RALGAPA2: variants seen among roughly 807,000 people sequenced by gnomAD.
RALGAPA2 encodes the protein Ral GTPase activating protein catalytic subunit alpha 2.
Under a neutral mutation model 230.4 loss-of-function variants are expected in RALGAPA2, and 139 were observed. The ratio of observed to expected loss-of-function variants is 0.60; its 90% CI spans 0.53 to 0.69. The LOEUF (loss-of-function observed/expected upper bound fraction) is 0.69, where lower values mean the gene tolerates loss of function less well. Ranked by LOEUF, RALGAPA2 falls within the 30% of genes least tolerant of loss-of-function variation. The pLI is 0.00. For missense variants in RALGAPA2, 2,163 were observed against 2,276.0 expected, an observed-to-expected ratio of 0.95 and a Z score of 1.01; for synonymous variants, 847 against 837.8, an observed-to-expected ratio of 1.01 and a Z score of -0.19.
At chr20:20,596,954 C>T (rs1157181709) in intron 16 of RALGAPA2, among the ~76,000 whole-genome samples, 3 of 152,128 alleles carry the variant, frequency 2.0e-5, no homozygotes, top group African/African-American at 4.8e-5. Context: ...AAATTGTCCC[C>T]AATTGAGAAT....
Position 20,591,964 on chromosome 20 carries a change from T to A in RALGAPA2, c.2204-650A>T, listed in dbSNP as rs577095872. Among the ~76,000 whole-genome samples, 26 of 152,264 alleles carry A rather than the reference T, an allele frequency of 1.7e-4. No homozygotes were observed. The East Asian group carries it at 5.0e-3, about 29-fold the overall frequency. On this transcript the variant is annotated intron_variant, in intron 16 of 39. Coordinates refer to ENST00000202677, the MANE Select transcript of RALGAPA2 (RefSeq NM_020343.4). ...GGATAATCTCAGTATTATTACAAGC[T>A]ATATTCCCCTATAGAATGAGTTCCC...
At chr20:20,710,357 G>C (rs2069802711) in intron 1 of RALGAPA2, among the ~76,000 whole-genome samples, 1 of 152,180 alleles carries the variant, frequency 6.6e-6, no homozygotes, top group Non-Finnish European at 1.5e-5. Context: ...CAATGAAATA[G>C]AATATGTGAT....
rs75112812 is a variant in RALGAPA2 at position 20,482,448 on chromosome 20, T to C, written c.5368-9492A>G. On this transcript the variant is annotated intron_variant, in intron 36 of 39. Transcript: ENST00000202677. ...TAGGAAGTGGTCATGACAGTGGGTGTTGGCAGAGATTCACGGTGGGAAGAG... is the reference window on the plus strand; with the variant it reads ...TAGGAAGTGGTCATGACAGTGGGTGCTGGCAGAGATTCACGGTGGGAAGAG... Among the ~76,000 whole-genome samples the C allele has an allele frequency of 6.1e-3, 926 of 152,184 alleles. 8 individuals are homozygous for C. Among genetic ancestry groups the C allele is most frequent in the African/African-American group, 0.019 (792 of 41,530 alleles).
intron 9 of RALGAPA2, among the ~76,000 whole-genome samples, chr20:20,630,861 T>C (rs1304606668): frequency 6.6e-6 from 1 of 152,118 alleles, no homozygotes; most frequent in East Asian, 1.9e-4. Flanking sequence ...TAAAGTCTCT[T>C]ATGGCTCAAT....
intron 23 of RALGAPA2, among the ~76,000 whole-genome samples, chr20:20,548,183 T>C (rs952419176): frequency 1.3e-5 from 2 of 152,148 alleles, no homozygotes; most frequent in Admixed American, 6.6e-5. Flanking sequence ...GATTTCAGTA[T>C]GGTTATCTAA....
At chr20:20,400,718 G>T (rs1360166294) in intron 38 of RALGAPA2, among the ~76,000 whole-genome samples, 1 of 152,138 alleles carries the variant, frequency 6.6e-6, no homozygotes, top group Non-Finnish European at 1.5e-5. Context: ...ATGAGTGAGT[G>T]GCCACAGAGG....
At chr20:20,596,936 C>A (rs926657663) in intron 16 of RALGAPA2, among the ~76,000 whole-genome samples, 1 of 152,192 alleles carries the variant, frequency 6.6e-6, no homozygotes, top group African/African-American at 2.4e-5. Flanking sequence ...TGTCTCCAGG[C>A]ATTGTTGAAA....
Position 20,587,193 on chromosome 20 carries a change from G to A in RALGAPA2, c.2439+2075C>T, listed in dbSNP as rs73124431. Among the ~76,000 whole-genome samples, 1,392 of 152,206 alleles carry A rather than the reference G, an allele frequency of 9.1e-3. 11 individuals carry two copies. Among genetic ancestry groups the A allele is most frequent in the African/African-American group, 0.026 (1,080 of 41,540 alleles). ...CAAGGAACAATAACCAGACAGGACC[G>A]GATGGACAGAAGACTTCTCAGCAAC... On this transcript the variant is annotated intron_variant, in intron 18 of 39. Coordinates refer to ENST00000202677, the MANE Select transcript of RALGAPA2 (RefSeq NM_020343.4).
intron 37 of RALGAPA2, among the ~76,000 whole-genome samples, chr20:20,462,249 G>A (rs932203394): frequency 3.3e-5 from 5 of 152,214 alleles, no homozygotes; most frequent in Admixed American, 6.5e-5. Context: ...AATCACCCAA[G>A]AGTTGGCTAT....
chr20:20,643,529 G>A lies in RALGAPA2; in HGVS notation c.349C>T (p.Leu117=), dbSNP rs1342325274. 6.8e-7 allele frequency: 1 copy of A among 1,473,084 alleles called. No homozygotes were observed. Among genetic ancestry groups the A allele is most frequent in the Admixed American group, 2.2e-5 (1 of 46,068 alleles). 91.3% of individuals were successfully genotyped at this position (1,473,084 alleles called of 1,614,324 possible). A position where few individuals can be genotyped will look rare whatever the true frequency, so the allele number is the denominator to read the frequency against. ...ACCTTAATAGAATTTCCAGTGTGTAGAAGCTTCTTTAAAGTTGAGCCTGAA... is the reference window on the plus strand; with the variant it reads ...ACCTTAATAGAATTTCCAGTGTGTAAAAGCTTCTTTAAAGTTGAGCCTGAA... ...QSIGSTLKKL[L]HTGNSIKIRC... The change falls in exon 5 of 40, where the codon CTA becomes TTA. Residue 117 remains leucine, a synonymous_variant. Transcript: ENST00000202677.
intron 24 of RALGAPA2, 78 bp from the exon 25 acceptor site, chr20:20,536,862 T>C: frequency 7.0e-7 from 1 of 1,430,134 alleles, no homozygotes; most frequent in Non-Finnish European, 9.4e-7. Flanking sequence ...TGTTTTACTC[T>C]TCATCCTAGA....
At chr20:20,537,555 G>A (rs2063528919) in intron 24 of RALGAPA2, among the ~76,000 whole-genome samples, 1 of 150,870 alleles carries the variant, frequency 6.6e-6, no homozygotes, top group South Asian at 2.1e-4. Context: ...AGGAGATGGA[G>A]GTTGCAGGTA....
chr20:20,660,116 C>T (rs991284409), intron 3 of RALGAPA2, among the ~76,000 whole-genome samples: 2 of 151,918 alleles, frequency 1.3e-5, no homozygotes, highest in Non-Finnish European at 2.9e-5. Context: ...GCCGTGATGG[C>T]GCACACCTGT....
Position 20,635,478 on chromosome 20 carries a change from CT to C in RALGAPA2, c.944del (p.Lys315SerfsTer3). ...KWIVTFFLEK[K>X]YLTATQNTKN... The stretch of plus-strand genomic sequence containing the variant: ...TAGTGTTTTGTGTTGCAGTTAGATA[CT>C]TTTTTTCCAAAAAGAAGGTTACAAT... On this transcript the variant is annotated frameshift_variant, in exon 9 of 40. Transcript: ENST00000202677. LOFTEE classifies it high-confidence loss of function. 11 of 1,599,882 alleles carry C rather than the reference CT, an allele frequency of 6.9e-6. No homozygotes were observed. In the Admixed American group the frequency reaches 7.0e-5, roughly 10 times the overall value.
intron 7 of RALGAPA2, 91 bp from the exon 8 acceptor site, chr20:20,637,592 C>T: frequency 8.6e-7 from 1 of 1,156,134 alleles, no homozygotes; most frequent in South Asian, 1.7e-5. Flanking sequence ...ACTAAAATTC[C>T]TAACCTAAAT....
intron 37 of RALGAPA2, among the ~76,000 whole-genome samples, chr20:20,457,581 G>C (rs945121056): frequency 1.3e-5 from 2 of 152,174 alleles, no homozygotes; most frequent in African/African-American, 4.8e-5. Context: ...GCTACATCCA[G>C]GGTTGGTATT....
At chr20:20,483,414 G>C (rs2061828252) in intron 36 of RALGAPA2, among the ~76,000 whole-genome samples, 1 of 152,190 alleles carries the variant, frequency 6.6e-6, no homozygotes, top group Non-Finnish European at 1.5e-5. Context: ...GGCAAGTGGA[G>C]GGTTGCCAGT....
intron 36 of RALGAPA2, among the ~76,000 whole-genome samples, chr20:20,492,324 AG>A (rs2062081101): frequency 6.6e-6 from 1 of 152,196 alleles, no homozygotes. Context: ...TGAAATACAC[AG>A]GTGCTAAAAG....
intron 36 of RALGAPA2, among the ~76,000 whole-genome samples, chr20:20,490,750 G>A (rs1427598899): frequency 6.6e-6 from 1 of 152,052 alleles, no homozygotes; most frequent in East Asian, 1.9e-4. Flanking sequence ...ATGTGCAAAT[G>A]CTCTTGTAAC....
Sources: gnomAD v4.1 joint callset for allele counts (sites outside exome capture counted in the v4.1 genomes callset) on GRCh38, gnomAD v4.1.1 for gene constraint, MANE v1.5 for transcripts, NCBI Gene and HGNC (gene_info 2026-07-23, HGNC 2026-07-21) for gene names.